Variants in WDR26 observed in about 807,000 individuals in gnomAD.
The protein encoded by WDR26 is WD repeat-containing protein 26.
A neutral mutation model predicts 84.1 loss-of-function variants in WDR26; 5 were observed. That is an observed-to-expected ratio of 0.06 (90% confidence interval 0.03 to 0.13). The LOEUF is 0.13. Ranked by LOEUF, WDR26 falls within the 10% of genes least tolerant of loss-of-function variation. WDR26 has a pLI of 1.00. For synonymous variants in WDR26, 415 were observed against 389.6 expected (o/e 1.07, Z -0.77); for missense variants, 642 against 974.9 (o/e 0.66, Z 4.55).
At chr1:224,396,509 G>T (rs957934427) in intron 12 of WDR26, among the ~76,000 whole-genome samples, 1 of 152,120 alleles carries the variant, frequency 6.6e-6, no homozygotes, top group Non-Finnish European at 1.5e-5. Flanking sequence ...ATTAAAAACA[G>T]ACAGACAAAA....
intron 13 of WDR26, among the ~76,000 whole-genome samples, chr1:224,391,759 A>G (rs1200775084): frequency 6.6e-6 from 1 of 152,148 alleles, no homozygotes; most frequent in African/African-American, 2.4e-5. Context: ...TCTATTCTAA[A>G]TAGGTATTAC....
At chr1:224,432,118 ACG>A (rs1674408707) in intron 1 of WDR26, among the ~76,000 whole-genome samples, 1 of 152,258 alleles carries the variant, frequency 6.6e-6, no homozygotes. Flanking sequence ...TCAACATACT[ACG>A]TTACATTTTG....
intron 13 of WDR26, 121 bp from the exon 14 acceptor site, chr1:224,389,981 T>G (rs1673079616): frequency 1.2e-5 from 8 of 686,440 alleles, no homozygotes; most frequent in Non-Finnish European, 1.7e-5. Flanking sequence ...AAAATTATAC[T>G]AACATTAAAA....
intron 12 of WDR26, 135 bp from the exon 13 acceptor site, chr1:224,394,148 CAT>C: frequency 1.6e-6 from 1 of 615,568 alleles, no homozygotes; most frequent in South Asian, 7.1e-5. Flanking sequence ...AATAGTTTAA[CAT>C]GTTACCTTAT....
At chr1:224,419,688 A>C (rs939224656) in intron 4 of WDR26, 73 bp from the exon 5 acceptor site, 1 of 1,195,770 alleles carries the variant, frequency 8.4e-7, no homozygotes, top group Non-Finnish European at 1.2e-6. Flanking sequence ...AAAAGTACTG[A>C]CCATCTGGCT....
Position 224,434,019 on chromosome 1 carries a change from G to A in WDR26, c.387C>T (p.Thr129=), listed in dbSNP as rs1674513655. Residue 129 remains threonine, a synonymous_variant, in exon 1 of 14, where the codon ACC becomes ACT. Coordinates refer to ENST00000414423, the MANE Select transcript of WDR26 (RefSeq NM_001379403.1). ...GGGCCGACAAGCAGGCGAGTTCCGGGGTCTGTCCCTGGCCCCCGCCGCCCC... is the reference window on the plus strand; with the variant it reads ...GGGCCGACAAGCAGGCGAGTTCCGGAGTCTGTCCCTGGCCCCCGCCGCCCC... The A allele has an allele frequency of 2.0e-6, 3 of 1,497,312 alleles. No homozygotes were observed. Among genetic ancestry groups the A allele is most frequent in the African/African-American group, 1.4e-5 (1 of 72,136 alleles). The allele number at this position is 1,497,312 out of a possible 1,614,324, so 92.8% of individuals were successfully genotyped here. A position where few individuals can be genotyped will look rare whatever the true frequency, so the allele number is the denominator to read the frequency against.
At position 224,434,741 on chromosome 1, in the gene WDR26, G is replaced by T; in HGVS notation, c.-336C>A. 11 of 986,850 alleles carry T rather than the reference G, an allele frequency of 1.1e-5. No individual in the cohort carries two copies. Among genetic ancestry groups the T allele is most frequent in the Non-Finnish European group, 1.3e-5 (11 of 831,060 alleles). The allele number at this position is 986,850 out of a possible 1,614,324, so 61.1% of individuals were successfully genotyped here. A position where few individuals can be genotyped will look rare whatever the true frequency, so the allele number is the denominator to read the frequency against. On this transcript the variant is annotated 5_prime_UTR_variant, in exon 1 of 14. Coordinates refer to ENST00000414423, the MANE Select transcript of WDR26 (RefSeq NM_001379403.1). ...GGAGGCAGCTGCCGCCTCTGTCCTC[G>T]GATCCGCTCCGCTCTGCTCCCTGGT...
At chr1:224,418,514 A>G in intron 5 of WDR26, 98 bp from the exon 6 acceptor site, 1 of 1,154,686 alleles carries the variant, frequency 8.7e-7, no homozygotes, top group Non-Finnish European at 1.2e-6. Flanking sequence ...TTCCTACCCC[A>G]ATAGTATCTA....
intron 3 of WDR26, chr1:224,430,384 T>A (rs1370883049): frequency 6.6e-6 from 1 of 152,168 alleles, no homozygotes; most frequent in African/African-American, 2.4e-5. Context: ...TCAATTTAAA[T>A]GAATTTGCAT....
intron 3 of WDR26, among the ~76,000 whole-genome samples, chr1:224,425,261 C>T (rs567429974): frequency 6.6e-6 from 1 of 152,324 alleles, no homozygotes; most frequent in African/African-American, 2.4e-5. Context: ...TTTCCTACAA[C>T]TAACGTGGAC....
chr1:224,434,169 G>A lies in WDR26; in HGVS notation c.237C>T (p.Ala79=), dbSNP rs1674523553. Residue 79 remains alanine, a synonymous_variant, in exon 1 of 14, where the codon GCC becomes GCT. Coordinates refer to ENST00000414423, the MANE Select transcript of WDR26 (RefSeq NM_001379403.1). Reference sequence around the variant, plus strand: ...GGGGGACAGCAGCGGCGGCGGGAGGGGCAGCAGCCGGGGGAAGTCCCACCA... The same window carrying A: ...GGGGGACAGCAGCGGCGGCGGGAGGAGCAGCAGCCGGGGGAAGTCCCACCA... 2 of 1,422,706 alleles carry A rather than the reference G, an allele frequency of 1.4e-6. No individual in the cohort carries two copies. Among genetic ancestry groups the A allele is most frequent in the African/African-American group, 1.5e-5 (1 of 68,672 alleles). The allele number at this position is 1,422,706 out of a possible 1,614,324, so 88.1% of individuals were successfully genotyped here. A position where few individuals can be genotyped will look rare whatever the true frequency, so the allele number is the denominator to read the frequency against.
rs1404805748 is a variant in WDR26, at chr1:224,398,131, G to T, written c.2040C>A (p.Gly680=). The change falls in exon 12 of 14, where the codon GGC becomes GGA. Residue 680 remains glycine, a synonymous_variant. Transcript: ENST00000414423. Reference sequence around the variant, plus strand: ...CACTAGCGATGAAGTCTTCATTATGGCCTCCAAAACATGAATGAATTGTAT... The same window carrying T: ...CACTAGCGATGAAGTCTTCATTATGTCCTCCAAAACATGAATGAATTGTAT... 1 of 1,613,242 alleles carries T rather than the reference G, an allele frequency of 6.2e-7. No individual in the cohort carries two copies. Among genetic ancestry groups the T allele is most frequent in the African/African-American group, 1.3e-5 (1 of 74,836 alleles).
intron 3 of WDR26, among the ~76,000 whole-genome samples, chr1:224,425,504 T>C (rs986877806): frequency 2.6e-5 from 4 of 152,256 alleles, no homozygotes; most frequent in Non-Finnish European, 5.9e-5. Context: ...TTTAGTTTTT[T>C]CCTGAACTGT....
intron 13 of WDR26, among the ~76,000 whole-genome samples, chr1:224,392,185 C>T (rs969838988): frequency 1.3e-5 from 2 of 152,038 alleles, no homozygotes; most frequent in Non-Finnish European, 2.9e-5. Context: ...CACAGTGAAA[C>T]CCCGTCTCTA....
intron 3 of WDR26, chr1:224,430,130 A>G (rs1333124993): frequency 1.3e-5 from 2 of 152,200 alleles, no homozygotes; most frequent in Admixed American, 1.3e-4. Flanking sequence ...GCTCAATAAA[A>G]TGTACTTGGG....
At chr1:224,433,618 C>A in intron 1 of WDR26, 66 bp downstream of exon 1, 2 of 1,096,256 alleles carry the variant, frequency 1.8e-6, no homozygotes, top group Non-Finnish European at 2.4e-6. Flanking sequence ...CCGCCCCTTC[C>A]CCTACCCCCC....
At chr1:224,409,727 G>A (rs538314139) in intron 7 of WDR26, among the ~76,000 whole-genome samples, 11 of 152,006 alleles carry the variant, frequency 7.2e-5, no homozygotes, top group East Asian at 3.9e-4. Flanking sequence ...GCTGGGCGTC[G>A]TGGTGCCTGC....
Position 224,388,636 on chromosome 1 carries a change from C to A in WDR26, c.*1199G>T, listed in dbSNP as rs1206452014. On this transcript the variant is annotated 3_prime_UTR_variant, in exon 14 of 14. Transcript: ENST00000414423. ...AAAAATATTCTTTAAATTTATGTAT[C>A]CCTATATGTCAAAATATTAAGGGCA... 2 of 152,486 alleles carry A rather than the reference C, an allele frequency of 1.3e-5. No homozygotes were observed. Among genetic ancestry groups the A allele is most frequent in the African/African-American group, 4.8e-5 (2 of 41,402 alleles). 9.4% of individuals were successfully genotyped at this position (152,486 alleles called of 1,614,324 possible). A position where few individuals can be genotyped will look rare whatever the true frequency, so the allele number is the denominator to read the frequency against.
chr1:224,394,068 A>G (rs1166673990), intron 12 of WDR26, 55 bp from the exon 13 acceptor site: 1 of 1,334,056 alleles, frequency 7.5e-7, no homozygotes, highest in Non-Finnish European at 9.9e-7. Flanking sequence ...CAACTAACTG[A>G]TCTTAAATTT....
Sources: gnomAD v4.1 joint callset for allele counts (sites outside exome capture counted in the v4.1 genomes callset) on GRCh38, gnomAD v4.1.1 for gene constraint, MANE v1.5 for transcripts, NCBI Gene and HGNC (gene_info 2026-07-23, HGNC 2026-07-21) for gene names.